Variants in GALNT18 observed in about 807,000 individuals in gnomAD.
GALNT18 encodes polypeptide N-acetylgalactosaminyltransferase 18.
Under a neutral mutation model 69.5 loss-of-function variants are expected in GALNT18, and 44 were observed. That is an observed-to-expected ratio of 0.63 (90% CI 0.50 to 0.81). The LOEUF is 0.81. GALNT18 is among the 40% of genes least tolerant of loss of function. The pLI, the probability that GALNT18 is intolerant of heterozygous loss-of-function variation, is 0.00. For synonymous variants in GALNT18, 364 were observed against 318.2 expected, an observed-to-expected ratio of 1.14 and a Z score of -1.53; for missense variants, 715 against 810.0, an observed-to-expected ratio of 0.88 and a Z score of 1.42.
intron 3 of GALNT18, among the ~76,000 whole-genome samples, chr11:11,422,837 T>G (rs1855040665): frequency 6.6e-6 from 1 of 152,150 alleles, no homozygotes; most frequent in Non-Finnish European, 1.5e-5. Flanking sequence ...CTGTTTCTAT[T>G]TCATCACTAC....
rs770333596 is a variant in GALNT18 at position 11,619,778 on chromosome 11, G to A, written c.235+1581C>T. On this transcript the variant is annotated intron_variant, in intron 1 of 10. Transcript: ENST00000227756. The surrounding 1 kb of genome is among the most constrained non-coding windows in gnomAD (Gnocchi z 4.9). The stretch of plus-strand genomic sequence containing the variant: ...AGACCTATGGGATGGAAAAGGACAC[G>A]TAAGAAATAACAGCAACTGGCACCC... Among the ~76,000 whole-genome samples the A allele has an allele frequency of 6.6e-5, 10 of 152,192 alleles. No individual in the cohort carries two copies. Among genetic ancestry groups the A allele is most frequent in the Non-Finnish European group, 1.3e-4 (9 of 68,030 alleles).
chr11:11,272,602 C>G (rs113433246), intron 10 of GALNT18, among the ~76,000 whole-genome samples: 1,747 of 152,326 alleles, frequency 0.011, 45 homozygotes, highest in African/African-American at 0.04. Context: ...TACATTAACT[C>G]AGGGTTCCTG....
intron 1 of GALNT18, among the ~76,000 whole-genome samples, chr11:11,513,958 T>C (rs1857214157): frequency 6.8e-6 from 1 of 146,898 alleles, no homozygotes; most frequent in African/African-American, 2.6e-5. Flanking sequence ...AAACTACTGG[T>C]GAGCAGCTCA....
chr11:11,576,666 A>G (rs1858932794), intron 1 of GALNT18, among the ~76,000 whole-genome samples: 1 of 152,190 alleles, frequency 6.6e-6, no homozygotes, highest in African/African-American at 2.4e-5. Flanking sequence ...AGACCCACCC[A>G]ACTCTGAAGC....
intron 1 of GALNT18, among the ~76,000 whole-genome samples, chr11:11,581,772 T>C (rs1859094436): frequency 2.0e-5 from 3 of 152,246 alleles, no homozygotes; most frequent in Middle Eastern, 3.4e-3. Flanking sequence ...TTTAGCAGGA[T>C]AGAAGCAGCC....
intron 9 of GALNT18, among the ~76,000 whole-genome samples, chr11:11,305,563 GTC>G (rs1403839438): frequency 1.3e-5 from 2 of 152,160 alleles, no homozygotes; most frequent in Non-Finnish European, 2.9e-5. Context: ...CTCGACTCAA[GTC>G]TCTGCCCCCA....
chr11:11,350,801 G>A (rs531594540), intron 6 of GALNT18, among the ~76,000 whole-genome samples: 7 of 152,282 alleles, frequency 4.6e-5, no homozygotes, highest in East Asian at 3.9e-4. Context: ...CAAAGATGCT[G>A]AACCCACAAG....
rs962021187 is a variant in GALNT18 at position 11,469,015 on chromosome 11, C to T, written c.236-20079G>A. On this transcript the variant is annotated intron_variant, in intron 1 of 10. Transcript: ENST00000227756. This position sits in a 1 kb window ranked among gnomAD's most constrained non-coding sequence, Gnocchi z 4.2. ...GTCCTATAGACAGATGGCCATACAG[C>T]GGTTGCCAGGGTTTGGTAGGGACAG... Among the ~76,000 whole-genome samples the T allele has an allele frequency of 7.2e-5, 11 of 152,154 alleles. No individual in the cohort carries two copies. The East Asian group carries it at 1.4e-3, about 19-fold the overall frequency.
intron 10 of GALNT18, among the ~76,000 whole-genome samples, chr11:11,274,993 T>A (rs934302933): frequency 2.6e-5 from 4 of 152,258 alleles, no homozygotes; most frequent in Non-Finnish European, 5.9e-5. Flanking sequence ...TTGTGAATAC[T>A]GCCACAATAA....
chr11:11,283,881 A>G (rs1392797783), intron 10 of GALNT18, among the ~76,000 whole-genome samples: 7 of 152,202 alleles, frequency 4.6e-5, no homozygotes, highest in Non-Finnish European at 1.0e-4. Flanking sequence ...AAAAAAATCA[A>G]ATTTGAATGT....
rs572647104 is a variant in GALNT18 at position 11,372,963 on chromosome 11, C to A, written c.978-334G>T. ...TGCCCTGACCCTGACCTCTGCACAG[C>A]CAGTCTCTGTTCCTGCTTGGGAATG... On this transcript the variant is annotated intron_variant, in intron 5 of 10. Transcript: ENST00000227756. The surrounding 1 kb of genome is among the most constrained non-coding windows in gnomAD (Gnocchi z 4.9). Among the ~76,000 whole-genome samples the A allele has an allele frequency of 7.1e-3, 1,087 of 152,244 alleles. 14 individuals are homozygous for A. Among genetic ancestry groups the A allele is most frequent in the African/African-American group, 0.025 (1,036 of 41,554 alleles).
intron 10 of GALNT18, among the ~76,000 whole-genome samples, chr11:11,278,350 A>C (rs576314012): frequency 1.2e-5 from 1 of 85,834 alleles, no homozygotes; most frequent in East Asian, 3.4e-4. Context: ...GGCATCACAC[A>C]GTGGGGCCTG....
chr11:11,558,459 A>G (rs1858386694), intron 1 of GALNT18, among the ~76,000 whole-genome samples: 1 of 152,250 alleles, frequency 6.6e-6, no homozygotes, highest in Non-Finnish European at 1.5e-5. Flanking sequence ...AGGCAGGGTG[A>G]GGCTGGGCTC....
chr11:11,607,890 G>C (rs933268807), intron 1 of GALNT18, among the ~76,000 whole-genome samples: 1 of 152,198 alleles, frequency 6.6e-6, no homozygotes, highest in Non-Finnish European at 1.5e-5. Flanking sequence ...CACATTCCTG[G>C]CATTGTCTGC....
At chr11:11,307,658 T>C (rs1319699832) in intron 9 of GALNT18, among the ~76,000 whole-genome samples, 1 of 152,168 alleles carries the variant, frequency 6.6e-6, no homozygotes, top group Non-Finnish European at 1.5e-5. Context: ...GCCTCCACTT[T>C]TGAAGTGTTC....
rs1858834365 is a variant in GALNT18, at chr11:11,573,254, C to G, written c.235+48105G>C. Among the ~76,000 whole-genome samples, 1 of 152,206 alleles carries G rather than the reference C, an allele frequency of 6.6e-6. No individual in the cohort carries two copies. The highest frequency in any genetic ancestry group is 6.5e-5 in the Admixed American group (1 of 15,290). ...TGTCCCAGAGATTCCCTACACACAG[C>G]TTTCAATACTGAAGATGGAGCTCTC... On this transcript the variant is annotated intron_variant, in intron 1 of 10. Transcript: ENST00000227756. This position sits in a 1 kb window ranked among gnomAD's most constrained non-coding sequence, Gnocchi z 4.6.
At chr11:11,557,312 G>A (rs1053727876) in intron 1 of GALNT18, among the ~76,000 whole-genome samples, 37 of 152,220 alleles carry the variant, frequency 2.4e-4, no homozygotes, top group African/African-American at 7.5e-4. Context: ...GGTAGTACCC[G>A]CATTTTTAAA....
Position 11,497,164 on chromosome 11 carries a change from T to A in GALNT18, c.236-48228A>T, listed in dbSNP as rs1856880799. Among the ~76,000 whole-genome samples the A allele has an allele frequency of 6.6e-6, 1 of 152,140 alleles. No individual in the cohort carries two copies. Among genetic ancestry groups the A allele is most frequent in the Admixed American group, 6.5e-5 (1 of 15,272 alleles). ...TCTTGTCATGCAAGTCTCAGCTCAATCATTGCTTGCCACAGGACAACCTTC... is the reference window on the plus strand; with the variant it reads ...TCTTGTCATGCAAGTCTCAGCTCAAACATTGCTTGCCACAGGACAACCTTC... On this transcript the variant is annotated intron_variant, in intron 1 of 10. Coordinates refer to ENST00000227756, the MANE Select transcript of GALNT18 (RefSeq NM_198516.3). This position sits in a 1 kb window ranked among gnomAD's most constrained non-coding sequence, Gnocchi z 4.2.
intron 1 of GALNT18, among the ~76,000 whole-genome samples, chr11:11,534,410 G>A (rs1857726523): frequency 6.6e-6 from 1 of 152,240 alleles, no homozygotes; most frequent in South Asian, 2.1e-4. Context: ...CTTGAGTAAT[G>A]GGTTTCAATT....
Sources: allele counts gnomAD v4.1 joint callset (sites outside exome capture counted in the v4.1 genomes callset), GRCh38; gene constraint gnomAD v4.1.1; non-coding constraint Gnocchi (gnomAD v3.1); transcripts MANE v1.5; gene names NCBI Gene and HGNC (gene_info 2026-07-23, HGNC 2026-07-21).